The following CDH8 variants were observed in gnomAD, a reference collection of about 807,000 sequenced individuals.
The protein encoded by CDH8 is cadherin-8.
A neutral mutation model predicts 68.1 loss-of-function variants in CDH8; 17 were observed. The observed-to-expected ratio is 0.25, with a 90% CI of 0.17 to 0.37. The LOEUF (loss-of-function observed/expected upper bound fraction) is 0.37. Among genes scored for constraint, CDH8 ranks in the 10% least tolerant of loss-of-function variants. The probability of loss-of-function intolerance (pLI) is 1.00; values close to 1 mark genes in which losing one functional copy is unlikely to be tolerated. For synonymous variants in CDH8, 372 were observed against 365.1 expected (o/e 1.02, Z -0.21); for missense variants, 763 against 999.3 (o/e 0.76, Z 3.19).
At chr16:61,763,298 T>A (rs535986330) in intron 8 of CDH8, among the ~76,000 whole-genome samples, 1 of 152,260 alleles carries the variant, frequency 6.6e-6, no homozygotes, top group Non-Finnish European at 1.5e-5. Context: ...TCAGAATAGA[T>A]ACCAGTATTC....
rs1965482266 is a variant in CDH8 at position 61,978,684 on chromosome 16, T to G, written c.252+42468A>C. On this transcript the variant is annotated intron_variant, in intron 2 of 11. Coordinates refer to ENST00000577390, the MANE Select transcript of CDH8 (RefSeq NM_001796.5). Reference sequence around the variant, plus strand: ...TGACGTTCTGAGACCTTAATCCACTTGGGCAAGCTCGTGTATGTTGTAAGT... The same window carrying G: ...TGACGTTCTGAGACCTTAATCCACTGGGGCAAGCTCGTGTATGTTGTAAGT... Among the ~76,000 whole-genome samples, 2 of 152,160 alleles carry G rather than the reference T, an allele frequency of 1.3e-5. 1 individual carries two copies. Among genetic ancestry groups the G allele is most frequent in the South Asian group, 4.1e-4 (2 of 4,832 alleles).
chr16:61,988,900 T>C (rs866076970), intron 2 of CDH8, among the ~76,000 whole-genome samples: 2 of 152,194 alleles, frequency 1.3e-5, no homozygotes, highest in Non-Finnish European at 2.9e-5. Flanking sequence ...GCCAGTGATA[T>C]TCACACACGA....
intron 10 of CDH8, among the ~76,000 whole-genome samples, chr16:61,656,187 A>G (rs1963444809): frequency 6.6e-6 from 1 of 152,228 alleles, no homozygotes; most frequent in African/African-American, 2.4e-5. Flanking sequence ...TTTTTCAATC[A>G]GCATGGACCA....
rs556575785 is a variant in CDH8 at position 61,918,457 on chromosome 16, C to T, written c.253-16984G>A. ...CAGTGGGCGCAGGTCAGTGGGTGCGCGCACCATGCGCGAGCCGAAGCAGGG... is the reference window on the plus strand; with the variant it reads ...CAGTGGGCGCAGGTCAGTGGGTGCGTGCACCATGCGCGAGCCGAAGCAGGG... On this transcript the variant is annotated intron_variant, in intron 2 of 11. Coordinates refer to ENST00000577390, the MANE Select transcript of CDH8 (RefSeq NM_001796.5). 41 of 152,900 alleles carry T rather than the reference C, an allele frequency of 2.7e-4. No homozygotes were observed. The South Asian group carries it at 7.0e-3, about 26-fold the overall frequency. 9.5% of individuals were successfully genotyped at this position (152,900 alleles called of 1,614,324 possible).
chr16:61,895,438 T>C (rs908171472), intron 3 of CDH8, among the ~76,000 whole-genome samples: 9 of 152,150 alleles, frequency 5.9e-5, no homozygotes, highest in African/African-American at 2.2e-4. Flanking sequence ...GGTACTAACA[T>C]AATAGTATTG....
At position 61,904,388 on chromosome 16, in the gene CDH8, C is replaced by T. The variant is rs139880254; in HGVS notation, c.253-2915G>A. Reference sequence around the variant, plus strand: ...AAGAACCTCCTCTCTGAGATTATGGCGCCAAAGATATCCCAAATGCACTGA... The same window carrying T: ...AAGAACCTCCTCTCTGAGATTATGGTGCCAAAGATATCCCAAATGCACTGA... On this transcript the variant is annotated intron_variant, in intron 2 of 11. Transcript: ENST00000577390. 7.1e-3 allele frequency among the ~76,000 whole-genome samples: 1,086 copies of T among 152,178 alleles called. 8 individuals are homozygous for T. The highest frequency in any genetic ancestry group is 0.014 in the Middle Eastern group (4 of 294).
At chr16:62,031,577 A>G (rs1902326370) in intron 1 of CDH8, among the ~76,000 whole-genome samples, 2 of 152,080 alleles carry the variant, frequency 1.3e-5, no homozygotes, top group Admixed American at 1.3e-4. Context: ...GAAGGTTCCA[A>G]ATATAAATGG....
intron 3 of CDH8, among the ~76,000 whole-genome samples, chr16:61,893,409 TGTGTGA>T (rs1352032395): frequency 6.9e-6 from 1 of 145,116 alleles, no homozygotes; most frequent in African/African-American, 2.6e-5. Context: ...GATGTGTGTG[TGTGTGA>T]GTGTGTGTGT....
intron 9 of CDH8, among the ~76,000 whole-genome samples, chr16:61,717,402 T>C (rs1055793417): frequency 1.3e-5 from 2 of 151,532 alleles, no homozygotes; most frequent in Non-Finnish European, 3.0e-5. Context: ...TTCTAAGACA[T>C]GAAACTAGAA....
At chr16:61,957,801 G>A (rs567503007) in intron 2 of CDH8, among the ~76,000 whole-genome samples, 3 of 151,762 alleles carry the variant, frequency 2.0e-5, no homozygotes, top group South Asian at 4.2e-4. Context: ...ATGTAATCCC[G>A]CCTCTGCTGA....
At chr16:61,952,980 C>T (rs1964921445) in intron 2 of CDH8, among the ~76,000 whole-genome samples, 1 of 152,062 alleles carries the variant, frequency 6.6e-6, no homozygotes. Context: ...AAATTTAAAT[C>T]CCCATGTGAG....
In CDH8 at chr16:61,771,639, T is replaced by C. The variant is rs191861708; in HGVS notation, c.1414+17707A>G. Among the ~76,000 whole-genome samples the C allele has an allele frequency of 3.5e-3, 532 of 152,006 alleles. 4 individuals are homozygous for C. Among genetic ancestry groups the C allele is most frequent in the African/African-American group, 0.012 (486 of 41,504 alleles). Reference sequence around the variant, plus strand: ...GTACAATCTAACTGAAAGAACAGATTGATGAAGATTTGGCATTACCATTGT... The same window carrying C: ...GTACAATCTAACTGAAAGAACAGATCGATGAAGATTTGGCATTACCATTGT... On this transcript the variant is annotated intron_variant, in intron 8 of 11. Transcript: ENST00000577390.
chr16:61,811,111 T>C (rs1018415720), intron 7 of CDH8, among the ~76,000 whole-genome samples: 30 of 151,956 alleles, frequency 2.0e-4, no homozygotes, highest in Non-Finnish European at 2.9e-4. Context: ...CTCTGTATTA[T>C]AGGCTCACAA....
intron 1 of CDH8, among the ~76,000 whole-genome samples, chr16:62,028,921 C>T (rs191996458): frequency 3.2e-4 from 48 of 152,260 alleles, no homozygotes; most frequent in African/African-American, 1.0e-3. Context: ...GACAACATTT[C>T]GTGCAGGTCC....
At chr16:61,753,924 T>C (rs1960241305) in intron 8 of CDH8, among the ~76,000 whole-genome samples, 2 of 152,112 alleles carry the variant, frequency 1.3e-5, no homozygotes, top group African/African-American at 2.4e-5. Flanking sequence ...ACATTGGATA[T>C]TATTATATAT....
intron 2 of CDH8, among the ~76,000 whole-genome samples, chr16:62,002,130 T>C (rs1965903177): frequency 6.6e-6 from 1 of 152,184 alleles, no homozygotes; most frequent in Non-Finnish European, 1.5e-5. Flanking sequence ...ATCTATTAAT[T>C]CACTTTTACC....
chr16:61,688,644 T>C (rs764864163), intron 10 of CDH8, among the ~76,000 whole-genome samples: 15 of 151,836 alleles, frequency 9.9e-5, no homozygotes, highest in Non-Finnish European at 2.1e-4. Context: ...CATATCCCAG[T>C]GGGGATATGA....
intron 2 of CDH8, among the ~76,000 whole-genome samples, chr16:61,985,424 T>A (rs1298340237): frequency 6.6e-6 from 1 of 152,220 alleles, no homozygotes; most frequent in Non-Finnish European, 1.5e-5. Flanking sequence ...AGCATTTCCA[T>A]CTTCACAGAA....
At chr16:61,939,154 A>G (rs1198653397) in intron 2 of CDH8, among the ~76,000 whole-genome samples, 3 of 152,202 alleles carry the variant, frequency 2.0e-5, no homozygotes, top group Non-Finnish European at 2.9e-5. Context: ...TTGGGTATCA[A>G]TATAGATATT....
Sources: gnomAD v4.1 joint callset for allele counts (sites outside exome capture counted in the v4.1 genomes callset) on GRCh38, gnomAD v4.1.1 for gene constraint, MANE v1.5 for transcripts, NCBI Gene and HGNC (gene_info 2026-07-23, HGNC 2026-07-21) for gene names.